The following NCAM2 variants were observed in gnomAD, a reference collection of about 807,000 sequenced individuals.
NCAM2 encodes the protein N-CAM-2.
In NCAM2, 30 loss-of-function variants were observed where a neutral mutation model predicts 98.1. The ratio of observed to expected loss-of-function variants is 0.31; its 90% confidence interval spans 0.23 to 0.41. NCAM2 has a LOEUF of 0.41. Ranked by LOEUF, NCAM2 falls within the 10% of genes least tolerant of loss-of-function variation. The pLI is 1.00. For synonymous variants in NCAM2, 368 were observed against 342.4 expected (o/e 1.07, Z -0.83); for missense variants, 867 against 1,005.8 (o/e 0.86, Z 1.87).
At chr21:21,269,231 A>G (rs1055458476) in intron 1 of NCAM2, among the ~76,000 whole-genome samples, 1 of 152,164 alleles carries the variant, frequency 6.6e-6, no homozygotes, top group Non-Finnish European at 1.5e-5. Flanking sequence ...GTCCCTGGCT[A>G]TAATATAAAG....
chr21:21,152,032 A>T (rs1023312894), intron 1 of NCAM2, among the ~76,000 whole-genome samples: 3 of 151,888 alleles, frequency 2.0e-5, no homozygotes, highest in Non-Finnish European at 4.4e-5. Context: ...TTTCCACTAT[A>T]TATTTCTTCA....
intron 1 of NCAM2, among the ~76,000 whole-genome samples, chr21:21,052,758 G>T (rs2065137413): frequency 6.6e-6 from 1 of 152,088 alleles, no homozygotes; most frequent in African/African-American, 2.4e-5. Flanking sequence ...GGCTCCATCT[G>T]GGGTTTCTAC....
chr21:21,023,331 C>G (rs8127149), intron 1 of NCAM2, among the ~76,000 whole-genome samples: 1,837 of 152,124 alleles, frequency 0.012, 31 homozygotes, highest in African/African-American at 0.042. Context: ...TGAAACCAGC[C>G]TGACCAACAT....
chr21:21,475,986 A>G (rs1985116820), intron 14 of NCAM2, among the ~76,000 whole-genome samples: 1 of 152,160 alleles, frequency 6.6e-6, no homozygotes, highest in Non-Finnish European at 1.5e-5. Flanking sequence ...AGGACACTCC[A>G]TGTTTGAGTA....
At chr21:21,238,888 A>G (rs932706932) in intron 1 of NCAM2, among the ~76,000 whole-genome samples, 1 of 152,208 alleles carries the variant, frequency 6.6e-6, no homozygotes, top group African/African-American at 2.4e-5. Flanking sequence ...GGCTTCAATC[A>G]CATGGCGTAA....
intron 1 of NCAM2, among the ~76,000 whole-genome samples, chr21:21,116,016 TGTGTGTG>T (rs2066550411): frequency 2.9e-4 from 1 of 3,490 alleles, no homozygotes; most frequent in Non-Finnish European, 6.5e-4. Flanking sequence ...ATGCTGAGAT[TGTGTGTG>T]TGTGTGTGTG....
intron 1 of NCAM2, among the ~76,000 whole-genome samples, chr21:21,263,995 T>C (rs554141608): frequency 7.2e-5 from 11 of 151,966 alleles, no homozygotes; most frequent in African/African-American, 1.4e-4. Context: ...AATAGACAAA[T>C]GGGATTTAAG....
At chr21:21,024,139 C>T (rs74580476) in intron 1 of NCAM2, among the ~76,000 whole-genome samples, 22 of 152,130 alleles carry the variant, frequency 1.4e-4, no homozygotes, top group African/African-American at 4.8e-4. Flanking sequence ...TGTCAGCCTG[C>T]GAATGCTATT....
chr21:21,099,724 T>G (rs2066200200), intron 1 of NCAM2, among the ~76,000 whole-genome samples: 1 of 151,888 alleles, frequency 6.6e-6, no homozygotes, highest in South Asian at 2.1e-4. Flanking sequence ...GGTTGTTAGC[T>G]TTAGCTAGTT....
At chr21:21,506,561 A>G (rs888421731) in intron 15 of NCAM2, among the ~76,000 whole-genome samples, 3 of 152,096 alleles carry the variant, frequency 2.0e-5, no homozygotes, top group Admixed American at 1.3e-4. Flanking sequence ...CTGATAACTA[A>G]TCTTTGGAAT....
intron 8 of NCAM2, among the ~76,000 whole-genome samples, chr21:21,350,604 A>G (rs2075308480): frequency 6.6e-6 from 1 of 152,212 alleles, no homozygotes; most frequent in African/African-American, 2.4e-5. Context: ...ATAGCTTTGC[A>G]TAATGTGATA....
At chr21:21,505,592 A>G (rs1016359586) in intron 15 of NCAM2, among the ~76,000 whole-genome samples, 11 of 152,080 alleles carry the variant, frequency 7.2e-5, no homozygotes, top group Admixed American at 7.2e-4. Flanking sequence ...CCAAACCTGA[A>G]TTATTAAAAA....
intron 9 of NCAM2, among the ~76,000 whole-genome samples, chr21:21,395,217 C>A (rs1264934724): frequency 6.6e-6 from 1 of 152,266 alleles, no homozygotes; most frequent in South Asian, 2.1e-4. Flanking sequence ...TGCCTATAAT[C>A]CCAGCTCTTG....
At chr21:21,490,498 A>C (rs975248214) in intron 15 of NCAM2, among the ~76,000 whole-genome samples, 1 of 151,956 alleles carries the variant, frequency 6.6e-6, no homozygotes. Context: ...TTTAGTTAGT[A>C]AAAATATGTT....
rs192262128 is a variant in NCAM2 at position 21,266,452 on chromosome 21, G to A, written c.56-14126G>A. On this transcript the variant is annotated intron_variant, in intron 1 of 17. Coordinates refer to ENST00000400546, the MANE Select transcript of NCAM2 (RefSeq NM_004540.5). ...TAATTATGCGGTACTATTCACAATAGCAAAGACTTGGAACCAACCCAAATG... is the reference window on the plus strand; with the variant it reads ...TAATTATGCGGTACTATTCACAATAACAAAGACTTGGAACCAACCCAAATG... Among the ~76,000 whole-genome samples the A allele has an allele frequency of 1.9e-4, 29 of 152,126 alleles. No homozygotes were observed. In the East Asian group the frequency reaches 4.8e-3, roughly 25 times the overall value.
chr21:21,232,086 T>G (rs549079677), intron 1 of NCAM2, among the ~76,000 whole-genome samples: 1 of 151,570 alleles, frequency 6.6e-6, no homozygotes, highest in Admixed American at 6.6e-5. Flanking sequence ...TCTCCCCAGT[T>G]ATCTTGCAGG....
At chr21:21,529,764 GTTAATA>G (rs1287394058) in intron 16 of NCAM2, among the ~76,000 whole-genome samples, 1 of 151,518 alleles carries the variant, frequency 6.6e-6, no homozygotes, top group Non-Finnish European at 1.5e-5. Flanking sequence ...CTCTCTCTGT[GTTAATA>G]TTAATAAAAC....
At chr21:21,260,204 A>G (rs2071840609) in intron 1 of NCAM2, among the ~76,000 whole-genome samples, 1 of 152,030 alleles carries the variant, frequency 6.6e-6, no homozygotes, top group African/African-American at 2.4e-5. Flanking sequence ...AATTATGTAA[A>G]ACAACCAAAC....
chr21:21,013,310 T>C (rs1320339243), intron 1 of NCAM2, among the ~76,000 whole-genome samples: 2 of 152,208 alleles, frequency 1.3e-5, no homozygotes, highest in East Asian at 3.9e-4. Context: ...ACCTTATTGC[T>C]TATATGGAGA....
Sources: gnomAD v4.1 joint callset for allele counts (sites outside exome capture counted in the v4.1 genomes callset) on GRCh38, gnomAD v4.1.1 for gene constraint, MANE v1.5 for transcripts, NCBI Gene and HGNC (gene_info 2026-07-23, HGNC 2026-07-21) for gene names.